Variants in TMEM45B observed in about 807,000 individuals in gnomAD.
The protein encoded by TMEM45B is transmembrane protein 45B.
Under a neutral mutation model 27.3 loss-of-function variants are expected in TMEM45B, and 29 were observed. That is an observed-to-expected ratio of 1.06 (90% CI 0.79 to 1.45). The LOEUF is 1.45. Among genes scored for constraint, TMEM45B ranks in the 40% most tolerant of loss-of-function variants. The pLI is 0.00. For missense variants in TMEM45B, 348 were observed against 343.9 expected (o/e 1.01, Z -0.09); for synonymous variants, 143 against 134.7 (o/e 1.06, Z -0.43).
rs1272348404 is a variant in TMEM45B, at chr11:129,858,796, A to G, written c.*111A>G. The G allele has an allele frequency of 8.1e-5, 58 of 711,804 alleles. No homozygotes were observed. Among genetic ancestry groups the G allele is most frequent in the Non-Finnish European group, 5.4e-5 (24 of 440,704 alleles). The allele number at this position is 711,804 out of a possible 1,614,324, so 44.1% of individuals were successfully genotyped here. On this transcript the variant is annotated 3_prime_UTR_variant, in exon 6 of 6. Coordinates refer to ENST00000281441, the MANE Select transcript of TMEM45B (RefSeq NM_138788.5). ...TGATCTTAAGGGTCTATATATTTGC[A>G]CCTCCTCATTCAACACAGGGCTGGA... is the stretch of plus-strand genomic sequence containing the variant.
intron 1 of TMEM45B, among the ~76,000 whole-genome samples, chr11:129,837,874 T>C (rs1396900237): frequency 7.0e-6 from 1 of 143,152 alleles, no homozygotes; most frequent in African/African-American, 2.6e-5. Context: ...CTCTGCCTCC[T>C]GGGTTCAAGC....
intron 1 of TMEM45B, among the ~76,000 whole-genome samples, chr11:129,846,646 GGAT>G (rs1374089023): frequency 6.6e-6 from 1 of 152,108 alleles, no homozygotes; most frequent in South Asian, 2.1e-4. Flanking sequence ...ACATTTTAGT[GGAT>G]GATGACAGAT....
intron 1 of TMEM45B, among the ~76,000 whole-genome samples, chr11:129,840,047 A>T (rs1379109592): frequency 2.0e-5 from 3 of 152,230 alleles, no homozygotes; most frequent in African/African-American, 7.2e-5. Flanking sequence ...CAAATTATTT[A>T]GAAGTCCAAA....
At chr11:129,824,934 C>T (rs1032712235) in intron 1 of TMEM45B, among the ~76,000 whole-genome samples, 3 of 151,934 alleles carry the variant, frequency 2.0e-5, no homozygotes, top group African/African-American at 7.2e-5. Context: ...ACAACATGAG[C>T]AAAGGGGACA....
chr11:129,847,330 T>C (rs989270149), intron 1 of TMEM45B, among the ~76,000 whole-genome samples: 1 of 152,244 alleles, frequency 6.6e-6, no homozygotes, highest in Non-Finnish European at 1.5e-5. Flanking sequence ...CATGAGGCTG[T>C]TGCTTTTCAC....
At chr11:129,855,492 C>T (rs1469375674) in intron 3 of TMEM45B, among the ~76,000 whole-genome samples, 12 of 152,202 alleles carry the variant, frequency 7.9e-5, no homozygotes. Context: ...CTGACCCCAC[C>T]ATGGGTTCCA....
At chr11:129,828,086 T>A (rs1288885882) in intron 1 of TMEM45B, 1 of 152,214 alleles carries the variant, frequency 6.6e-6, no homozygotes, top group Non-Finnish European at 1.5e-5. Flanking sequence ...TCTACTAGAT[T>A]ATAAACTCCT....
At chr11:129,852,391 A>G in intron 1 of TMEM45B, 84 bp from the exon 2 acceptor site, 1 of 1,222,056 alleles carries the variant, frequency 8.2e-7, no homozygotes, top group Non-Finnish European at 1.2e-6. Flanking sequence ...TTGCAATCTC[A>G]GGCACGTATT....
At chr11:129,854,532 GC>G (rs1947892922) in intron 2 of TMEM45B, 77 bp from the exon 3 acceptor site, 1 of 1,462,106 alleles carries the variant, frequency 6.8e-7, no homozygotes, top group Admixed American at 1.9e-5. Flanking sequence ...CTTCGCTCAT[GC>G]CTTTGGGTTA....
At chr11:129,851,413 G>A (rs572627237) in intron 1 of TMEM45B, among the ~76,000 whole-genome samples, 6 of 149,888 alleles carry the variant, frequency 4.0e-5, no homozygotes, top group Non-Finnish European at 7.4e-5. Context: ...GCGTGGTGGC[G>A]GGTGCCTGTA....
intron 2 of TMEM45B, among the ~76,000 whole-genome samples, chr11:129,853,584 C>T (rs979386691): frequency 6.6e-6 from 1 of 152,182 alleles, no homozygotes; most frequent in Non-Finnish European, 1.5e-5. Context: ...AGGACAATTA[C>T]AATATTTGGC....
At chr11:129,822,634 G>A (rs928729420) in intron 1 of TMEM45B, among the ~76,000 whole-genome samples, 3 of 152,126 alleles carry the variant, frequency 2.0e-5, no homozygotes, top group African/African-American at 7.2e-5. Flanking sequence ...TTGTTGTAAG[G>A]TGGACAGGTG....
At chr11:129,849,380 G>T (rs531225690) in intron 1 of TMEM45B, among the ~76,000 whole-genome samples, 6 of 152,282 alleles carry the variant, frequency 3.9e-5, no homozygotes, top group African/African-American at 1.4e-4. Flanking sequence ...TAGATCTTAG[G>T]CTTGAGAATA....
At chr11:129,856,047 G>A (rs956039933) in intron 4 of TMEM45B, among the ~76,000 whole-genome samples, 155 bp downstream of exon 4, 1 of 152,028 alleles carries the variant, frequency 6.6e-6, no homozygotes, top group Non-Finnish European at 1.5e-5. Context: ...CCCCATGCCC[G>A]CCCTTTGACT....
intron 1 of TMEM45B, among the ~76,000 whole-genome samples, chr11:129,841,459 A>C (rs1426003045): frequency 6.6e-6 from 1 of 152,154 alleles, no homozygotes; most frequent in East Asian, 1.9e-4. Flanking sequence ...AAAACTATGC[A>C]TATATGGAGA....
intron 1 of TMEM45B, among the ~76,000 whole-genome samples, chr11:129,845,000 G>A (rs1307183961): frequency 6.6e-6 from 1 of 152,032 alleles, no homozygotes; most frequent in East Asian, 1.9e-4. Context: ...GAAGAACGCT[G>A]GAAATGGTAA....
At chr11:129,845,367 G>GTC (rs1420336113) in intron 1 of TMEM45B, among the ~76,000 whole-genome samples, 1 of 146,050 alleles carries the variant, frequency 6.8e-6, no homozygotes, top group Admixed American at 7.0e-5. Context: ...GTGTGTGTGT[G>GTC]TATGCATGAA....
intron 1 of TMEM45B, among the ~76,000 whole-genome samples, chr11:129,841,482 G>T (rs887284092): frequency 6.6e-6 from 1 of 151,478 alleles, no homozygotes; most frequent in Non-Finnish European, 1.5e-5. Flanking sequence ...ACCTGAGAGA[G>T]CCCAGCAAGG....
intron 1 of TMEM45B, among the ~76,000 whole-genome samples, chr11:129,823,681 A>T (rs1269632787): frequency 7.9e-5 from 12 of 152,142 alleles, no homozygotes; most frequent in Non-Finnish European, 1.5e-4. Context: ...GATGGTATGG[A>T]ATAGCTATAA....
Sources: allele counts gnomAD v4.1 joint callset (sites outside exome capture counted in the v4.1 genomes callset), GRCh38; gene constraint gnomAD v4.1.1; transcripts MANE v1.5; gene names NCBI Gene and HGNC (gene_info 2026-07-23, HGNC 2026-07-21).